Variants in PPP2R3A observed in about 807,000 individuals in gnomAD.
PPP2R3A encodes the protein serine/threonine-protein phosphatase 2A regulatory subunit B'' subunit alpha.
PPP2R3A carries 80 observed loss-of-function variants against 106.9 expected under a neutral mutation model. The observed-to-expected ratio is 0.75, with a 90% CI of 0.62 to 0.90. PPP2R3A has a LOEUF of 0.90. PPP2R3A is among the 40% of genes least tolerant of loss of function. PPP2R3A has a pLI of 0.00. For synonymous variants in PPP2R3A, 483 were observed against 468.3 expected (o/e 1.03, Z -0.41); for missense variants, 1,386 against 1,350.4 (o/e 1.03, Z -0.41).
chr3:136,010,412 G>A lies in PPP2R3A; in HGVS notation c.1995+6919G>A, dbSNP rs535751620. Reference sequence around the variant, plus strand: ...ACTACAGGCGCATGCCATCACGCTCGGCTAATTTTTTTTTTTTTTTTTTTT... The same window carrying A: ...ACTACAGGCGCATGCCATCACGCTCAGCTAATTTTTTTTTTTTTTTTTTTT... On this transcript the variant is annotated intron_variant, in intron 2 of 13. Coordinates refer to ENST00000264977, the MANE Select transcript of PPP2R3A (RefSeq NM_002718.5). Among the ~76,000 whole-genome samples, 8 of 137,140 alleles carry A rather than the reference G, an allele frequency of 5.8e-5. No homozygotes were observed. The South Asian group carries it at 1.2e-3, about 20-fold the overall frequency. 90.0% of individuals were successfully genotyped at this position (137,140 alleles called of 152,430 possible).
Position 136,002,370 on chromosome 3 carries a change from A to G in PPP2R3A, c.872A>G (p.Lys291Arg), listed in dbSNP as rs779919553. Residue 291 changes from lysine (K) to arginine (R), a missense_variant, in exon 2 of 14, where the codon AAG (lysine) becomes AGG (arginine). Transcript: ENST00000264977. ...ACCAGGTTAGCATCCTATCTGAAAA[A>G]GTTACCATTTGAATTCATGCAGTCT... ...VMTRLASYLKKLPFEFMQSGN... is the reference protein window; with the variant it reads ...VMTRLASYLKRLPFEFMQSGN... 3.1e-6 allele frequency: 5 copies of G among 1,613,942 alleles called. No homozygotes were observed. Among genetic ancestry groups the G allele is most frequent in the African/African-American group, 1.3e-5 (1 of 75,056 alleles).
intron 1 of PPP2R3A, among the ~76,000 whole-genome samples, chr3:135,995,403 T>A (rs986437080): frequency 6.6e-6 from 1 of 151,980 alleles, no homozygotes; most frequent in Non-Finnish European, 1.5e-5. Flanking sequence ...CCTCTAGAAC[T>A]TTTTTTACTC....
At chr3:136,088,541 A>G (rs1270448647) in intron 9 of PPP2R3A, among the ~76,000 whole-genome samples, 1 of 152,202 alleles carries the variant, frequency 6.6e-6, no homozygotes, top group Non-Finnish European at 1.5e-5. Flanking sequence ...TATTGTGAAT[A>G]GTGCTGGATA....
At chr3:136,102,780 T>C (rs1937410614) in intron 11 of PPP2R3A, among the ~76,000 whole-genome samples, 1 of 152,002 alleles carries the variant, frequency 6.6e-6, no homozygotes, top group Non-Finnish European at 1.5e-5. Context: ...TTCCTGTGAG[T>C]AGCCACTGCA....
chr3:136,001,684 G>C lies in PPP2R3A; in HGVS notation c.186G>C (p.Gln62His). The change falls in exon 2 of 14, where the codon CAG becomes CAC. Residue 62 changes from glutamine to histidine, a missense_variant. Transcript: ENST00000264977. ...ACCTCTTGCACATCCCTGTGTCTCA[G>C]TTCAAAGATGCAGATCTGAACTCTA... ...CADLLHIPVS[Q>H]FKDADLNSMF... 2 of 1,614,136 alleles carry C rather than the reference G, an allele frequency of 1.2e-6. No individual in the cohort carries two copies. The highest frequency in any genetic ancestry group is 1.3e-5 in the African/African-American group (1 of 75,046).
intron 13 of PPP2R3A, among the ~76,000 whole-genome samples, chr3:136,119,307 T>C (rs1350362416): frequency 2.0e-5 from 3 of 152,206 alleles, no homozygotes; most frequent in African/African-American, 2.4e-5. Context: ...GACATAGGCA[T>C]GGGCAAAGAC....
At position 136,004,627 on chromosome 3, in the gene PPP2R3A, A is replaced by G. The variant is rs983035647; in HGVS notation, c.1995+1134A>G. 3.9e-5 allele frequency among the ~76,000 whole-genome samples: 6 copies of G among 152,212 alleles called. No individual in the cohort carries two copies. In the East Asian group the frequency reaches 1.2e-3, roughly 29 times the overall value. On this transcript the variant is annotated intron_variant, in intron 2 of 13. Coordinates refer to ENST00000264977, the MANE Select transcript of PPP2R3A (RefSeq NM_002718.5). ...TTCAGACATAAAGCCAAATCGACAA[A>G]AGCAAGTTGTAAAATAAGGATATGA... is the stretch of plus-strand genomic sequence containing the variant.
At position 136,002,800 on chromosome 3, in the gene PPP2R3A, G is replaced by C. The variant is rs150886588; in HGVS notation, c.1302G>C (p.Glu434Asp). Residue 434 changes from glutamate (E) to aspartate (D), a missense_variant, in exon 2 of 14, where the codon GAG (glutamate) becomes GAC (aspartate). Transcript: ENST00000264977. Reference protein sequence around the residue: ...KKALDKGQKTENGPSHELLKV... With the variant: ...KKALDKGQKTDNGPSHELLKV... Reference sequence around the variant, plus strand: ...CATTAGATAAAGGACAAAAGACAGAGAATGGACCTAGTCATGAGTTATTAA... The same window carrying C: ...CATTAGATAAAGGACAAAAGACAGACAATGGACCTAGTCATGAGTTATTAA... 20 of 1,613,814 alleles carry C rather than the reference G, an allele frequency of 1.2e-5. No individual in the cohort carries two copies. Among genetic ancestry groups the C allele is most frequent in the Non-Finnish European group, 1.7e-5 (20 of 1,179,778 alleles).
At chr3:136,011,611 G>T (rs528956575) in intron 2 of PPP2R3A, among the ~76,000 whole-genome samples, 1 of 152,234 alleles carries the variant, frequency 6.6e-6, no homozygotes, top group South Asian at 2.1e-4. Context: ...TTCAGAAATT[G>T]GATAAAATTA....
chr3:136,128,787 A>G (rs1162059875), intron 13 of PPP2R3A, among the ~76,000 whole-genome samples: 1 of 152,124 alleles, frequency 6.6e-6, no homozygotes, highest in Non-Finnish European at 1.5e-5. Flanking sequence ...TCCTCAGCAA[A>G]TGTAAAAGAA....
chr3:136,130,798 G>A (rs1266165264), intron 13 of PPP2R3A, among the ~76,000 whole-genome samples: 2 of 152,108 alleles, frequency 1.3e-5, no homozygotes, highest in Non-Finnish European at 2.9e-5. Context: ...CATGATACTG[G>A]TACCAAAACA....
At chr3:136,022,897 C>G in intron 2 of PPP2R3A, 1 of 1,409,040 alleles carries the variant, frequency 7.1e-7, no homozygotes. Flanking sequence ...CATGTCAGGA[C>G]AAGCATAGAT....
chr3:136,143,390 C>A (rs1938955810), intron 13 of PPP2R3A, among the ~76,000 whole-genome samples: 1 of 152,170 alleles, frequency 6.6e-6, no homozygotes, highest in Non-Finnish European at 1.5e-5. Context: ...TCTTGGGAGG[C>A]TGAGGCAGGA....
intron 13 of PPP2R3A, among the ~76,000 whole-genome samples, chr3:136,138,742 G>A (rs1378913410): frequency 2.3e-4 from 14 of 62,062 alleles, no homozygotes; most frequent in Non-Finnish European, 8.1e-5. Context: ...AGACAGTTTC[G>A]CTCTTGTCAT....
At chr3:136,143,785 C>T (rs1314946330) in intron 13 of PPP2R3A, among the ~76,000 whole-genome samples, 1 of 152,114 alleles carries the variant, frequency 6.6e-6, no homozygotes, top group Non-Finnish European at 1.5e-5. Context: ...AGCGAGACTC[C>T]ATCTCAAAAG....
chr3:136,023,637 G>A (rs552379456), intron 2 of PPP2R3A, among the ~76,000 whole-genome samples: 35 of 152,100 alleles, frequency 2.3e-4, no homozygotes, highest in Non-Finnish European at 1.5e-5. Flanking sequence ...TGTAACAAAT[G>A]TTTGTTTAAA....
chr3:136,014,903 A>C (rs548140364), intron 2 of PPP2R3A, among the ~76,000 whole-genome samples: 1 of 152,134 alleles, frequency 6.6e-6, no homozygotes, highest in Admixed American at 6.5e-5. Context: ...GTCTTGTTCC[A>C]CTGCTCAGGG....
intron 13 of PPP2R3A, among the ~76,000 whole-genome samples, chr3:136,117,537 T>A (rs1937819455): frequency 6.6e-6 from 1 of 151,934 alleles, no homozygotes; most frequent in Admixed American, 6.6e-5. Flanking sequence ...TAAAAAATGA[T>A]AAAGGGGATA....
At chr3:136,070,453 T>A in intron 5 of PPP2R3A, 25 bp from the exon 6 acceptor site, 1 of 1,569,716 alleles carries the variant, frequency 6.4e-7, no homozygotes. Context: ...TTTGTTAATT[T>A]AGTTTTGGTT....
Sources: gnomAD v4.1 joint callset for allele counts (sites outside exome capture counted in the v4.1 genomes callset) on GRCh38, gnomAD v4.1.1 for gene constraint, MANE v1.5 for transcripts, NCBI Gene and HGNC (gene_info 2026-07-23, HGNC 2026-07-21) for gene names.